The following STS variants were observed in gnomAD, a reference collection of about 807,000 sequenced individuals.
STS encodes the protein steroid sulfatase, also known as steryl-sulfatase.
Under a neutral mutation model 26.8 loss-of-function variants are expected in STS, and 7 were observed. The ratio of observed to expected loss-of-function variants is 0.26; its 90% CI spans 0.15 to 0.49. The LOEUF (loss-of-function observed/expected upper bound fraction) is 0.49. STS is among the 20% of genes least tolerant of loss of function. The pLI, the probability that STS is intolerant of heterozygous loss-of-function variation, is 0.98. For synonymous variants in STS, 199 were observed against 189.4 expected, an observed-to-expected ratio of 1.05 and a Z score of -0.42; for missense variants, 434 against 465.6, an observed-to-expected ratio of 0.93 and a Z score of 0.63.
At chrX:7,228,900 C>A (rs955960213) in intron 2 of STS, among the ~76,000 whole-genome samples, 2 of 112,486 alleles carry the variant, frequency 1.8e-5, no homozygotes, top group Non-Finnish European at 3.7e-5. Flanking sequence ...TTGCCCATGA[C>A]ATGAACTTCT....
chrX:7,205,794 A>G (rs1934212120), intron 2 of STS, among the ~76,000 whole-genome samples: 1 of 109,065 alleles, frequency 9.2e-6, no homozygotes, highest in African/African-American at 3.3e-5. Context: ...TAAAAAACAA[A>G]TTGTAGAGAC....
At position 7,265,890 on chromosome X, in the gene STS, C is replaced by T. The variant is rs149149728; in HGVS notation, c.806+6118C>T. On this transcript the variant is annotated intron_variant, in intron 6 of 10. Transcript: ENST00000674429. Reference sequence around the variant, plus strand: ...ATATCCAAGGGTCCTGAGAGAATGGCCTTGATATGTTACCAAAGAATCCTA... The same window carrying T: ...ATATCCAAGGGTCCTGAGAGAATGGTCTTGATATGTTACCAAAGAATCCTA... 5.8e-3 allele frequency among the ~76,000 whole-genome samples: 648 copies of T among 112,254 alleles called. 8 individuals carry two copies. The highest frequency in any genetic ancestry group is 0.02 in the African/African-American group (611 of 30,959).
chrX:7,151,389 G>A (rs1933008493), intron 1 of STS, among the ~76,000 whole-genome samples: 1 of 112,068 alleles, frequency 8.9e-6, no homozygotes, highest in African/African-American at 3.2e-5. Context: ...TGATGATGCT[G>A]AGAGACCAGA....
At chrX:7,304,780 A>G (rs1164874716) in intron 7 of STS, among the ~76,000 whole-genome samples, 1 of 111,541 alleles carries the variant, frequency 9.0e-6, no homozygotes, top group Non-Finnish European at 1.9e-5. Flanking sequence ...ATACTTTCTC[A>G]GGTCTCCCTG....
At chrX:7,198,460 A>T (rs540147178) in intron 2 of STS, among the ~76,000 whole-genome samples, 43 of 111,058 alleles carry the variant, frequency 3.9e-4, no homozygotes, top group South Asian at 7.7e-4. Flanking sequence ...CCAACTGGGG[A>T]GGTTGAGAAT....
intron 2 of STS, among the ~76,000 whole-genome samples, chrX:7,249,356 A>G (rs1359351927): frequency 8.9e-6 from 1 of 111,760 alleles, no homozygotes; most frequent in Non-Finnish European, 1.9e-5. Flanking sequence ...CAACCAGTGC[A>G]GGAGCCAGCC....
At chrX:7,215,010 G>A (rs1306567134) in intron 2 of STS, among the ~76,000 whole-genome samples, 2 of 78,806 alleles carry the variant, frequency 2.5e-5, no homozygotes, top group African/African-American at 9.7e-5. Context: ...ACATATATAC[G>A]TATATATATA....
intron 7 of STS, among the ~76,000 whole-genome samples, chrX:7,289,277 C>T (rs1886308602): frequency 9.0e-6 from 1 of 111,233 alleles, no homozygotes; most frequent in South Asian, 3.8e-4. Flanking sequence ...CATGGGGCAG[C>T]AACAGTGATT....
intron 10 of STS, among the ~76,000 whole-genome samples, chrX:7,342,661 C>T (rs1928347451): frequency 8.9e-6 from 1 of 112,133 alleles, no homozygotes; most frequent in Non-Finnish European, 1.9e-5. Flanking sequence ...CTACTGTCAT[C>T]GATTATATAT....
At chrX:7,261,776 A>G (rs189219990) in intron 6 of STS, among the ~76,000 whole-genome samples, 11 of 112,383 alleles carry the variant, frequency 9.8e-5, no homozygotes, top group Admixed American at 3.8e-4. Flanking sequence ...TGGTATCACA[A>G]AAGTGTTTCA....
intron 1 of STS, among the ~76,000 whole-genome samples, chrX:7,166,371 G>C (rs149151330): frequency 1.2e-4 from 13 of 110,924 alleles, no homozygotes; most frequent in Non-Finnish European, 2.5e-4. Flanking sequence ...GTATTTTTGA[G>C]TCCCATTTTT....
At chrX:7,155,294 G>A (rs1266300928) in intron 1 of STS, among the ~76,000 whole-genome samples, 2 of 111,915 alleles carry the variant, frequency 1.8e-5, no homozygotes, top group Non-Finnish European at 3.8e-5. Flanking sequence ...TCAGCATAGG[G>A]TCCATTCTGA....
In STS at chrX:7,204,487, CCCTTCCTTCCTCCCTCCCTCCTTT is replaced by C. The variant is rs1244163932; in HGVS notation, c.-5+13483_-5+13506del. ...GATTCCCCTTCTTTCCTTCCTCCCT[CCCTTCCTTCCTCCCTCCCTCCTTT>C]CCTCCCTTCCTCCCTCCCTCCCTCC... On this transcript the variant is annotated intron_variant, in intron 2 of 10. Coordinates refer to ENST00000674429, the MANE Select transcript of STS (RefSeq NM_001320752.2). Among the ~76,000 whole-genome samples the C allele has an allele frequency of 1.6e-3, 170 of 103,097 alleles. 1 individual carries two copies. Among genetic ancestry groups the C allele is most frequent in the African/African-American group, 6.0e-3 (166 of 27,870 alleles). The allele number at this position is 103,097 out of a possible 115,157, so 89.5% of individuals were successfully genotyped here. A position where few individuals can be genotyped will look rare whatever the true frequency, so the allele number is the denominator to read the frequency against.
At chrX:7,288,048 T>C (rs1242666861) in intron 7 of STS, among the ~76,000 whole-genome samples, 1 of 110,756 alleles carries the variant, frequency 9.0e-6, no homozygotes, top group Admixed American at 9.7e-5. Flanking sequence ...GATTCTTTGG[T>C]CACTTTTCTA....
intron 8 of STS, among the ~76,000 whole-genome samples, chrX:7,314,773 C>T (rs1461842280): frequency 8.9e-6 from 1 of 112,123 alleles, no homozygotes; most frequent in Non-Finnish European, 1.9e-5. Context: ...GTTGTGTGGT[C>T]AAGCGTGCTC....
At chrX:7,172,340 G>A (rs75869563) in intron 1 of STS, among the ~76,000 whole-genome samples, 1 of 110,921 alleles carries the variant, frequency 9.0e-6, no homozygotes, top group African/African-American at 3.3e-5. Context: ...CTCACTGTTC[G>A]TGATGCCTGC....
At chrX:7,291,236 A>T (rs770161862) in intron 7 of STS, among the ~76,000 whole-genome samples, 1 of 111,485 alleles carries the variant, frequency 9.0e-6, no homozygotes, top group South Asian at 3.8e-4. Context: ...CTGGGAGCTA[A>T]CTGTCTGTCT....
intron 7 of STS, among the ~76,000 whole-genome samples, chrX:7,281,844 G>A (rs536555105): frequency 8.9e-6 from 1 of 112,121 alleles, no homozygotes; most frequent in South Asian, 3.7e-4. Context: ...GTGAAAGTAT[G>A]GACTGTAGCA....
intron 1 of STS, among the ~76,000 whole-genome samples, chrX:7,182,100 AAAC>A (rs1306845311): frequency 9.0e-6 from 1 of 111,554 alleles, no homozygotes; most frequent in Non-Finnish European, 1.9e-5. Flanking sequence ...AAAAACCTCA[AAAC>A]AACCAATGAT....
Sources: gnomAD v4.1 joint callset for allele counts (sites outside exome capture counted in the v4.1 genomes callset) on GRCh38, gnomAD v4.1.1 for gene constraint, MANE v1.5 for transcripts, NCBI Gene and HGNC (gene_info 2026-07-23, HGNC 2026-07-21) for gene names.